Variants in WWC1 observed in about 807,000 individuals in gnomAD.
WWC1 encodes WW and C2 domain containing 1, also known as protein KIBRA.
A neutral mutation model predicts 138.4 loss-of-function variants in WWC1; 55 were observed. The observed-to-expected ratio is 0.40, with a 90% confidence interval of 0.32 to 0.50. WWC1 has a LOEUF of 0.50. Among genes scored for constraint, WWC1 ranks in the 20% least tolerant of loss-of-function variants. The pLI, the probability that WWC1 is intolerant of heterozygous loss-of-function variation, is 0.72. For synonymous variants in WWC1, 524 were observed against 564.9 expected (o/e 0.93, Z 1.03); for missense variants, 1,226 against 1,420.4 (o/e 0.86, Z 2.20).
chr5:168,311,717 T>C (rs925895803), intron 1 of WWC1, among the ~76,000 whole-genome samples: 3 of 151,884 alleles, frequency 2.0e-5, no homozygotes, highest in African/African-American at 4.8e-5. Context: ...CTAAAAATGA[T>C]ATACAAAAAA....
At position 168,412,024 on chromosome 5, in the gene WWC1, A is replaced by C. The variant is rs944012913; in HGVS notation, c.941+2029A>C. ...TTTCAGCTCCCCCAGGCGTCCAGCA[A>C]AACAGCAAGACATCTGTATTTGGAC... On this transcript the variant is annotated intron_variant, in intron 8 of 22. Transcript: ENST00000265293. 3.0e-6 allele frequency: 3 copies of C among 985,342 alleles called. No homozygotes were observed. In the African/African-American group the frequency reaches 5.2e-5, roughly 17 times the overall value. The allele number at this position is 985,342 out of a possible 1,614,324, so 61.0% of individuals were successfully genotyped here.
intron 2 of WWC1, among the ~76,000 whole-genome samples, chr5:168,383,493 G>A (rs1006816805): frequency 4.5e-4 from 68 of 152,284 alleles, no homozygotes; most frequent in African/African-American, 1.6e-3. Flanking sequence ...TGTTTAGGAG[G>A]AATGAGAGCT....
intron 17 of WWC1, among the ~76,000 whole-genome samples, chr5:168,447,968 T>A (rs1436994915): frequency 6.6e-6 from 1 of 152,050 alleles, no homozygotes; most frequent in African/African-American, 2.4e-5. Context: ...AGGACCTATC[T>A]CCCAAAACCC....
At chr5:168,448,181 C>T (rs1014890795) in intron 17 of WWC1, among the ~76,000 whole-genome samples, 1 of 152,086 alleles carries the variant, frequency 6.6e-6, no homozygotes, top group African/African-American at 2.4e-5. Flanking sequence ...CATCTGCGGC[C>T]CCCTCCCCCA....
At chr5:168,367,985 G>T (rs917702466) in intron 1 of WWC1, among the ~76,000 whole-genome samples, 3 of 151,506 alleles carry the variant, frequency 2.0e-5, no homozygotes, top group Non-Finnish European at 2.9e-5. Flanking sequence ...CAGGCAAAAT[G>T]TCATACTGTA....
At chr5:168,449,056 C>G (rs960593799) in intron 17 of WWC1, among the ~76,000 whole-genome samples, 6 of 152,166 alleles carry the variant, frequency 3.9e-5, no homozygotes, top group Admixed American at 3.9e-4. Flanking sequence ...ACAGATAAGG[C>G]TAAATGGCCT....
At chr5:168,355,477 A>G (rs1441381597) in intron 1 of WWC1, among the ~76,000 whole-genome samples, 1 of 146,342 alleles carries the variant, frequency 6.8e-6, no homozygotes, top group East Asian at 2.1e-4. Context: ...CTGGGTGACA[A>G]GAGTGAGACT....
At chr5:168,345,472 C>G (rs950107456) in intron 1 of WWC1, among the ~76,000 whole-genome samples, 2 of 152,142 alleles carry the variant, frequency 1.3e-5, no homozygotes, top group African/African-American at 4.8e-5. Context: ...TCAGTTGTTA[C>G]CTGAGTAACT....
chr5:168,325,452 A>G (rs1041942847), intron 1 of WWC1, among the ~76,000 whole-genome samples: 2 of 152,178 alleles, frequency 1.3e-5, no homozygotes, highest in African/African-American at 4.8e-5. Context: ...CCTGGCATTC[A>G]GATACTGACA....
chr5:168,431,979 A>T (rs1402286178), intron 15 of WWC1, among the ~76,000 whole-genome samples: 1 of 150,478 alleles, frequency 6.6e-6, no homozygotes, highest in African/African-American at 2.4e-5. Flanking sequence ...AGATGGGAGG[A>T]TCCCTTGAGC....
intron 3 of WWC1, among the ~76,000 whole-genome samples, chr5:168,397,087 T>G (rs1778958582): frequency 6.6e-6 from 1 of 152,152 alleles, no homozygotes; most frequent in Non-Finnish European, 1.5e-5. Flanking sequence ...TTTTTCAGTC[T>G]TCTTAAAATG....
intron 9 of WWC1, 126 bp from the exon 10 acceptor site, chr5:168,421,882 C>A: frequency 1.4e-6 from 1 of 690,538 alleles, no homozygotes; most frequent in Non-Finnish European, 2.6e-6. Context: ...AGCTCTAGCT[C>A]CCCAGATGCC....
chr5:168,385,863 T>C (rs1049811096), intron 3 of WWC1, among the ~76,000 whole-genome samples: 1 of 152,176 alleles, frequency 6.6e-6, no homozygotes. Flanking sequence ...TTACCGCAAT[T>C]TCAAAACAAT....
intron 1 of WWC1, among the ~76,000 whole-genome samples, chr5:168,334,054 GAAAAAAAAAA>G (rs70976475): frequency 2.2e-5 from 1 of 44,510 alleles, no homozygotes; most frequent in Non-Finnish European, 3.9e-5. Flanking sequence ...CATCCCTACT[GAAAAAAAAAA>G]AAAAAAAAAA....
chr5:168,343,796 G>A lies in WWC1; in HGVS notation c.120-27628G>A, dbSNP rs904169385. On this transcript the variant is annotated intron_variant, in intron 1 of 22. Transcript: ENST00000265293. ...GAGATCATGCCACTGCAGCCTGGGC[G>A]ACACAGTGAGACTATGTCTCAAAAA... 4.2e-5 allele frequency among the ~76,000 whole-genome samples: 6 copies of A among 142,652 alleles called. No homozygotes were observed. The East Asian group carries it at 6.1e-4, about 15-fold the overall frequency. The allele number at this position is 142,652 out of a possible 152,430, so 93.6% of individuals were successfully genotyped here.
At chr5:168,465,079 T>A in intron 21 of WWC1, 117 bp downstream of exon 21, 1 of 1,422,422 alleles carries the variant, frequency 7.0e-7, no homozygotes, top group Non-Finnish European at 9.3e-7. Flanking sequence ...CCACCACAGG[T>A]TCCACTGAGG....
intron 1 of WWC1, among the ~76,000 whole-genome samples, chr5:168,310,368 A>G (rs1289041477): frequency 6.6e-6 from 1 of 151,284 alleles, no homozygotes; most frequent in African/African-American, 2.4e-5. Flanking sequence ...TATATTATAT[A>G]TAATTATTTA....
chr5:168,444,635 GC>G (rs779688044), intron 17 of WWC1, 50 bp downstream of exon 17: 2 of 1,596,450 alleles, frequency 1.3e-6, no homozygotes, highest in South Asian at 2.2e-5. Flanking sequence ...CTGGACCTAG[GC>G]CCAGCAATGA....
intron 2 of WWC1, among the ~76,000 whole-genome samples, chr5:168,371,870 A>T (rs113052128): frequency 1.2e-3 from 177 of 152,260 alleles, no homozygotes; most frequent in African/African-American, 3.9e-3. Flanking sequence ...GTATATATGC[A>T]CATATATATT....
Sources: allele counts gnomAD v4.1 joint callset (sites outside exome capture counted in the v4.1 genomes callset), GRCh38; gene constraint gnomAD v4.1.1; transcripts MANE v1.5; gene names NCBI Gene and HGNC (gene_info 2026-07-23, HGNC 2026-07-21).